Variants in SPATS2 observed in about 807,000 individuals in gnomAD.
SPATS2 encodes spermatogenesis-associated serine-rich protein 2.
SPATS2 carries 38 observed loss-of-function variants against 63.7 expected under a neutral mutation model. The observed-to-expected ratio is 0.60, with a 90% CI of 0.46 to 0.78. SPATS2 has a LOEUF of 0.78. SPATS2 is among the 30% of genes least tolerant of loss of function. The pLI is 0.00. For synonymous variants in SPATS2, 207 were observed against 232.9 expected (o/e 0.89, Z 1.01); for missense variants, 588 against 666.2 (o/e 0.88, Z 1.29).
Position 49,526,315 on chromosome 12 carries a change from T to C in SPATS2, c.*60T>C, listed in dbSNP as rs952060376. 5 of 1,513,270 alleles carry C rather than the reference T, an allele frequency of 3.3e-6. No individual in the cohort carries two copies. The highest frequency in any genetic ancestry group is 2.3e-5 in the East Asian group (1 of 43,486). The allele number at this position is 1,513,270 out of a possible 1,614,324, so 93.7% of individuals were successfully genotyped here. ...ACAATTCAACTTGATAACTGGACTT[T>C]AGGAAACTTACAGTTAGATGTAATA... On this transcript the variant is annotated 3_prime_UTR_variant, in exon 14 of 14. Coordinates refer to ENST00000552918, the MANE Select transcript of SPATS2 (RefSeq NM_023071.4).
chr12:49,409,592 ATTTT>A (rs753378038), intron 2 of SPATS2, among the ~76,000 whole-genome samples: 1 of 73,562 alleles, frequency 1.4e-5, no homozygotes. Context: ...GTGCCCAGCA[ATTTT>A]TTTTTTTTTT....
intron 2 of SPATS2, among the ~76,000 whole-genome samples, chr12:49,402,119 G>A (rs1471251244): frequency 6.6e-6 from 1 of 152,196 alleles, no homozygotes; most frequent in African/African-American, 2.4e-5. Context: ...TGGGAGTATA[G>A]GCATGCACCA....
At chr12:49,521,770 T>C (rs2138087284) in intron 11 of SPATS2, among the ~76,000 whole-genome samples, 1 of 152,338 alleles carries the variant, frequency 6.6e-6, no homozygotes, top group African/African-American at 2.4e-5. Context: ...CTCAGACTGA[T>C]ATTACATGTC....
intron 2 of SPATS2, among the ~76,000 whole-genome samples, chr12:49,377,473 A>G (rs766693806): frequency 1.3e-5 from 2 of 152,190 alleles, no homozygotes; most frequent in South Asian, 2.1e-4. Flanking sequence ...ATTAAGTAGG[A>G]TTATATTCAA....
intron 3 of SPATS2, among the ~76,000 whole-genome samples, chr12:49,470,101 G>A (rs532281901): frequency 6.6e-6 from 1 of 151,554 alleles, no homozygotes; most frequent in Non-Finnish European, 1.5e-5. Context: ...GCACAGTCTT[G>A]GCTCACTGCA....
At chr12:49,485,315 A>G (rs1271636360) in intron 4 of SPATS2, among the ~76,000 whole-genome samples, 1 of 151,564 alleles carries the variant, frequency 6.6e-6, no homozygotes, top group Non-Finnish European at 1.5e-5. Flanking sequence ...GGGCCTCCCA[A>G]AGTGCTGGGA....
At chr12:49,519,727 G>C (rs952251076) in intron 11 of SPATS2, among the ~76,000 whole-genome samples, 22 of 151,994 alleles carry the variant, frequency 1.4e-4, no homozygotes, top group Admixed American at 3.9e-4. Context: ...CTCAAGCAGA[G>C]GCTGGAGGCT....
intron 2 of SPATS2, among the ~76,000 whole-genome samples, chr12:49,412,888 A>G (rs1327643091): frequency 1.3e-5 from 2 of 152,242 alleles, no homozygotes; most frequent in Non-Finnish European, 2.9e-5. Flanking sequence ...GATAAATGTT[A>G]AAACAATTAT....
At chr12:49,432,457 G>A (rs1438461489) in intron 2 of SPATS2, among the ~76,000 whole-genome samples, 1 of 152,178 alleles carries the variant, frequency 6.6e-6, no homozygotes, top group Non-Finnish European at 1.5e-5. Flanking sequence ...GGGCGACAGA[G>A]TGAGACTCCG....
rs915939212 is a variant in SPATS2 at position 49,432,548 on chromosome 12, A to G, written c.-243-28222A>G. Reference sequence around the variant, plus strand: ...CATTGTTGTATAACAGATCGCCCAAAGTTTTTTTATCTTTGCAAAACTGAA... The same window carrying G: ...CATTGTTGTATAACAGATCGCCCAAGGTTTTTTTATCTTTGCAAAACTGAA... On this transcript the variant is annotated intron_variant, in intron 2 of 13. Transcript: ENST00000552918. Among the ~76,000 whole-genome samples, 6 of 152,194 alleles carry G rather than the reference A, an allele frequency of 3.9e-5. No individual in the cohort carries two copies. In the East Asian group the frequency reaches 1.2e-3, roughly 29 times the overall value.
At chr12:49,499,456 T>C (rs1027019574) in intron 8 of SPATS2, among the ~76,000 whole-genome samples, 1 of 151,550 alleles carries the variant, frequency 6.6e-6, no homozygotes, top group African/African-American at 2.4e-5. Context: ...GGTGGTTCTT[T>C]GGTTTTGTTT....
At chr12:49,369,216 C>T (rs994289859) in intron 1 of SPATS2, among the ~76,000 whole-genome samples, 7 of 151,664 alleles carry the variant, frequency 4.6e-5, no homozygotes, top group Non-Finnish European at 7.4e-5. Flanking sequence ...TTAGTAGAGA[C>T]GGGGGTTTCA....
chr12:49,407,463 G>A (rs1944716598), intron 2 of SPATS2, among the ~76,000 whole-genome samples: 2 of 152,122 alleles, frequency 1.3e-5, no homozygotes, highest in East Asian at 1.9e-4. Flanking sequence ...CACTGCTCAC[G>A]TTCCTTTAGC....
At chr12:49,508,194 T>C (rs990666015) in intron 9 of SPATS2, among the ~76,000 whole-genome samples, 1 of 152,128 alleles carries the variant, frequency 6.6e-6, no homozygotes, top group Non-Finnish European at 1.5e-5. Flanking sequence ...CTTTTAGACA[T>C]TGGTGTCATA....
chr12:49,379,703 A>G (rs967111903), intron 2 of SPATS2, among the ~76,000 whole-genome samples: 3 of 145,448 alleles, frequency 2.1e-5, no homozygotes, highest in African/African-American at 7.7e-5. Flanking sequence ...GCTCACTGCA[A>G]CCTCTGCCTC....
At chr12:49,474,681 A>G (rs1435835993) in intron 3 of SPATS2, among the ~76,000 whole-genome samples, 3 of 152,202 alleles carry the variant, frequency 2.0e-5, no homozygotes, top group Non-Finnish European at 4.4e-5. Context: ...TTCTGTACTG[A>G]TCTTAGTTAA....
At position 49,474,167 on chromosome 12, in the gene SPATS2, CTTAA is replaced by C. The variant is rs370242269; in HGVS notation, c.26-10418_26-10415del. Among the ~76,000 whole-genome samples the C allele has an allele frequency of 4.7e-4, 72 of 152,284 alleles. No individual in the cohort carries two copies. The South Asian group carries it at 0.012, about 26-fold the overall frequency. On this transcript the variant is annotated intron_variant, in intron 3 of 13. Coordinates refer to ENST00000552918, the MANE Select transcript of SPATS2 (RefSeq NM_023071.4). ...GGACATTTCATTTGGCCAGAACAGG[CTTAA>C]TTAAACAAGTGTGTTACTTACATAG...
rs59350335 is a variant in SPATS2, at chr12:49,467,044, G to GTTTTTTTTTT, written c.25+6024_25+6033dup. ...TTTATTGTTAAATAATTTGTTCTTT[G>GTTTTTTTTTT]TTTTTTTTTTTTTTTTTTTTTTTTT... On this transcript the variant is annotated intron_variant, in intron 3 of 13. Coordinates refer to ENST00000552918, the MANE Select transcript of SPATS2 (RefSeq NM_023071.4). 9.2e-5 allele frequency among the ~76,000 whole-genome samples: 7 copies of GTTTTTTTTTT among 75,776 alleles called. 1 individual carries two copies. The highest frequency in any genetic ancestry group is 3.1e-4 in the African/African-American group (6 of 19,602). 49.7% of individuals were successfully genotyped at this position (75,776 alleles called of 152,430 possible). A position where few individuals can be genotyped will look rare whatever the true frequency, so the allele number is the denominator to read the frequency against.
chr12:49,498,145 A>AAAAATATATAT (rs66900382), intron 8 of SPATS2, among the ~76,000 whole-genome samples: 197 of 98,920 alleles, frequency 2.0e-3, no homozygotes, highest in Non-Finnish European at 2.5e-3. Context: ...AAAAAAAAAA[A>AAAAATATATAT]ATATATATAT....
Sources: allele counts gnomAD v4.1 joint callset (sites outside exome capture counted in the v4.1 genomes callset), GRCh38; gene constraint gnomAD v4.1.1; transcripts MANE v1.5; gene names NCBI Gene and HGNC (gene_info 2026-07-23, HGNC 2026-07-21).